MED13L: variants seen among roughly 807,000 people sequenced by gnomAD.
MED13L encodes mediator of RNA polymerase II transcription subunit 13-like.
MED13L carries 7 observed loss-of-function variants against 220.9 expected under a neutral mutation model. That is an observed-to-expected ratio of 0.03 (90% CI 0.02 to 0.06). The LOEUF is 0.06. MED13L is among the 10% of genes least tolerant of loss of function. The pLI, the probability that MED13L is intolerant of heterozygous loss-of-function variation, is 1.00. For missense variants in MED13L, 1,965 were observed against 2,760.5 expected (o/e 0.71, Z 6.46); for synonymous variants, 1,011 against 1,015.2 (o/e 1.00, Z 0.08).
At chr12:116,127,159 C>G (rs1409708250) in intron 2 of MED13L, among the ~76,000 whole-genome samples, 2 of 152,186 alleles carry the variant, frequency 1.3e-5, no homozygotes, top group Non-Finnish European at 2.9e-5. Context: ...CTTTAAAAGA[C>G]AGAGTTTTGA....
At chr12:115,972,025 T>C (rs1876620529) in intron 26 of MED13L, 53 bp downstream of exon 26, 52 of 1,585,772 alleles carry the variant, frequency 3.3e-5, no homozygotes, top group Admixed American at 8.4e-5. Context: ...TAAGTTTGAG[T>C]GGACTGAATT....
At chr12:116,083,729 A>G (rs569548900) in intron 4 of MED13L, among the ~76,000 whole-genome samples, 1 of 152,328 alleles carries the variant, frequency 6.6e-6, no homozygotes, top group East Asian at 1.9e-4. Context: ...AATTCTGAGC[A>G]TTTATCATGT....
At chr12:116,133,019 T>C (rs1165403603) in intron 2 of MED13L, among the ~76,000 whole-genome samples, 1 of 152,182 alleles carries the variant, frequency 6.6e-6, no homozygotes, top group Non-Finnish European at 1.5e-5. Flanking sequence ...GCAATTCCCT[T>C]GTTAGGAAAA....
At chr12:116,094,008 A>G (rs1235506996) in intron 4 of MED13L, among the ~76,000 whole-genome samples, 2 of 152,214 alleles carry the variant, frequency 1.3e-5, no homozygotes, top group Admixed American at 1.3e-4. Flanking sequence ...CAGCTGAGAT[A>G]AACTTTGTCC....
At position 115,991,519 on chromosome 12, in the gene MED13L, G is replaced by A. The variant is rs568906108; in HGVS notation, c.3435C>T (p.Val1145=). The A allele has an allele frequency of 9.3e-4, 1,509 of 1,614,178 alleles. 20 individuals are homozygous for A. The South Asian group carries it at 0.015, about 17-fold the overall frequency. The change falls in exon 17 of 31, where the codon GTC becomes GTT. Residue 1145 remains valine, a synonymous_variant. Transcript: ENST00000281928. This position sits in a 1 kb window ranked among gnomAD's most constrained non-coding sequence, Gnocchi z 7.7. ...TGGAAGAATCGGGGATGTAAAGCCC[G>A]ACATCCGCCCCTTTGATGTTCATGT... ...ACNMNIKGAD[V]GLYIPDSSNE...
intron 9 of MED13L, among the ~76,000 whole-genome samples, chr12:116,010,604 G>C (rs1312613098): frequency 6.6e-6 from 1 of 152,142 alleles, no homozygotes; most frequent in Non-Finnish European, 1.5e-5. Flanking sequence ...CCTGATGCAG[G>C]CAGTGGGAAA....
chr12:115,966,535 C>G (rs1876174705), intron 28 of MED13L, among the ~76,000 whole-genome samples: 2 of 152,176 alleles, frequency 1.3e-5, no homozygotes, highest in Admixed American at 6.5e-5. Flanking sequence ...ATGTAACAAA[C>G]TAAAATGGAA....
intron 4 of MED13L, among the ~76,000 whole-genome samples, chr12:116,063,728 C>T (rs982654882): frequency 1.3e-4 from 20 of 152,142 alleles, no homozygotes; most frequent in Non-Finnish European, 2.5e-4. Context: ...AAAATACACA[C>T]CTTTAAAATT....
chr12:115,972,674 G>C (rs1876672082), intron 25 of MED13L, among the ~76,000 whole-genome samples: 1 of 152,170 alleles, frequency 6.6e-6, no homozygotes, highest in Non-Finnish European at 1.5e-5. Context: ...TTGTAGGTTA[G>C]TTATTTCCAT....
chr12:115,982,752 T>C, intron 21 of MED13L, 149 bp from the exon 22 acceptor site: 1 of 814,108 alleles, frequency 1.2e-6, no homozygotes, highest in Admixed American at 2.1e-5. Context: ...CTTACCAAAA[T>C]ACAGGCAAAC....
rs1876372919 is a variant in MED13L at position 115,968,728 on chromosome 12, C to T, written c.6225+212G>A. Among the ~76,000 whole-genome samples the T allele has an allele frequency of 2.0e-5, 3 of 152,320 alleles. No homozygotes were observed. In the South Asian group the frequency reaches 6.2e-4, roughly 32 times the overall value. On this transcript the variant is annotated intron_variant, in intron 28 of 30. Transcript: ENST00000281928. ...TAATAGGACTATTCTTCTGATAAAACTTATTCATCAGAAATAATAACATAT... is the reference window on the plus strand; with the variant it reads ...TAATAGGACTATTCTTCTGATAAAATTTATTCATCAGAAATAATAACATAT...
intron 2 of MED13L, among the ~76,000 whole-genome samples, chr12:116,143,006 G>C (rs1292419817): frequency 6.6e-6 from 1 of 152,164 alleles, no homozygotes; most frequent in African/African-American, 2.4e-5. Context: ...TGGGCTCAGG[G>C]TCTGCTGGCT....
At chr12:116,031,744 AGAAAAGAAAAGAAAAGAAGGAAG>A (rs1566020781) in intron 4 of MED13L, among the ~76,000 whole-genome samples, 59 of 53,048 alleles carry the variant, frequency 1.1e-3, no homozygotes, top group East Asian at 4.8e-3. Context: ...AGAAAAGAAA[AGAAAAGAAAAGAAAAGAAGGAAG>A]GAAGGAAGGA....
At chr12:116,050,023 G>T (rs993340704) in intron 4 of MED13L, among the ~76,000 whole-genome samples, 5 of 152,140 alleles carry the variant, frequency 3.3e-5, no homozygotes, top group African/African-American at 1.2e-4. Flanking sequence ...TTCTTGGAAG[G>T]ATCAAATATT....
chr12:116,130,794 T>C (rs1308614173), intron 2 of MED13L, among the ~76,000 whole-genome samples: 1 of 152,000 alleles, frequency 6.6e-6, no homozygotes, highest in African/African-American at 2.4e-5. Context: ...AGCCTGTAGG[T>C]GTTGAATATA....
chr12:116,039,172 C>T (rs899485604), intron 4 of MED13L, among the ~76,000 whole-genome samples: 36 of 152,210 alleles, frequency 2.4e-4, no homozygotes, highest in African/African-American at 8.2e-4. Context: ...ACAAATATAG[C>T]ACAAAAGAAA....
intron 17 of MED13L, among the ~76,000 whole-genome samples, chr12:115,990,061 T>G (rs1489118961): frequency 2.0e-5 from 3 of 152,232 alleles, no homozygotes; most frequent in Non-Finnish European, 4.4e-5. Context: ...CACTGTAATC[T>G]AGCCCCTGCA....
At chr12:116,095,880 A>T (rs894913883) in intron 4 of MED13L, among the ~76,000 whole-genome samples, 2 of 152,162 alleles carry the variant, frequency 1.3e-5, no homozygotes, top group Non-Finnish European at 2.9e-5. Flanking sequence ...CAAGGATTGC[A>T]TTTAAACACA....
chr12:116,072,245 T>C (rs1481774165), intron 4 of MED13L, among the ~76,000 whole-genome samples: 2 of 152,192 alleles, frequency 1.3e-5, no homozygotes, highest in Non-Finnish European at 2.9e-5. Flanking sequence ...GAATCTCAGA[T>C]TGTCATAAGC....
Sources: gnomAD v4.1 joint callset for allele counts (sites outside exome capture counted in the v4.1 genomes callset) on GRCh38, gnomAD v4.1.1 for gene constraint, Gnocchi (gnomAD v3.1) non-coding constraint, MANE v1.5 for transcripts, NCBI Gene and HGNC (gene_info 2026-07-23, HGNC 2026-07-21) for gene names.